RSRP1: variants seen among roughly 807,000 people sequenced by gnomAD.
The protein encoded by RSRP1 is arginine and serine rich protein 1.
Under a neutral mutation model 33.0 loss-of-function variants are expected in RSRP1, and 37 were observed. That is an observed-to-expected ratio of 1.12 (90% confidence interval 0.86 to 1.48). The LOEUF (loss-of-function observed/expected upper bound fraction) is 1.48, where lower values mean the gene tolerates loss of function less well. RSRP1 is among the 40% of genes most tolerant of loss of function. The probability of loss-of-function intolerance (pLI) is 0.00; values close to 1 mark genes in which losing one functional copy is unlikely to be tolerated. For synonymous variants in RSRP1, 167 were observed against 158.7 expected (o/e 1.05, Z -0.40); for missense variants, 402 against 385.3 (o/e 1.04, Z -0.36).
At chr1:25,250,263 T>A (rs1639734885), upstream of RSRP1, among the ~76,000 whole-genome samples, 1 of 152,206 alleles carries the variant, frequency 6.6e-6, no homozygotes, top group African/African-American at 2.4e-5. Flanking sequence ...TCCCAGGAGC[T>A]GCTGGTACAG....
At chr1:25,287,646 A>G (rs2124633030) in intron 1 of RSRP1, among the ~76,000 whole-genome samples, 1 of 135,636 alleles carries the variant, frequency 7.4e-6, no homozygotes, top group Admixed American at 7.1e-5. Context: ...TGTTTTCCTC[A>G]CATACTGATA....
intron 1 of RSRP1, among the ~76,000 whole-genome samples, chr1:25,285,275 C>T (rs1268276022): frequency 3.7e-5 from 5 of 133,650 alleles, no homozygotes. Flanking sequence ...GCTGGGATTA[C>T]AGGCATGTGC....
intron 1 of RSRP1, among the ~76,000 whole-genome samples, chr1:25,298,430 A>T (rs1381708644): frequency 1.6e-5 from 2 of 128,036 alleles, no homozygotes; most frequent in Non-Finnish European, 3.7e-5. Flanking sequence ...TTTCCTCAAA[A>T]CTTCAATTCA....
rs369168725 is a variant in RSRP1, at chr1:25,290,801, G to T, written c.-66-43772C>A. 3.6e-6 allele frequency: 5 copies of T among 1,375,882 alleles called. 1 individual carries two copies. The highest frequency in any genetic ancestry group is 3.1e-6 in the Non-Finnish European group (3 of 977,576). 85.2% of individuals were successfully genotyped at this position (1,375,882 alleles called of 1,614,324 possible). A position where few individuals can be genotyped will look rare whatever the true frequency, so the allele number is the denominator to read the frequency against. ...CAGTAATATCTTCAACGTGAGTCAT[G>T]GTGCTGGGAGGAGGGACCTGGGAGA... On this transcript the variant is annotated intron_variant, in intron 1 of 1. Coordinates refer to the RSRP1 transcript ENST00000561867.
upstream of RSRP1, among the ~76,000 whole-genome samples, chr1:25,249,533 G>A (rs987468982): frequency 6.6e-6 from 1 of 152,098 alleles, no homozygotes; most frequent in African/African-American, 2.4e-5. Context: ...GTAGAGATGG[G>A]TTTTCACCAT....
chr1:25,320,140 C>T (rs1259918869), intron 1 of RSRP1, among the ~76,000 whole-genome samples: 2 of 131,126 alleles, frequency 1.5e-5, no homozygotes, highest in African/African-American at 5.2e-5. Context: ...TCAGGTGATC[C>T]GCCCACCTTG....
At chr1:25,306,630 G>A (rs377051051) in intron 1 of RSRP1, 1 of 1,378,330 alleles carries the variant, frequency 7.3e-7, no homozygotes, top group Middle Eastern at 1.8e-4. Context: ...ATTCCCCACA[G>A]CTCCATCATG....
chr1:25,301,109 G>T, intron 1 of RSRP1: 1 of 1,374,422 alleles, frequency 7.3e-7, no homozygotes, highest in South Asian at 1.2e-5. Flanking sequence ...GACAAGGTGG[G>T]GTGAGTGGTC....
intron 1 of RSRP1, among the ~76,000 whole-genome samples, chr1:25,286,619 T>G (rs964866011): frequency 1.5e-5 from 2 of 132,446 alleles, no homozygotes; most frequent in African/African-American, 5.3e-5. Context: ...ACCCTGTCTC[T>G]ACTAAAAATA....
intron 1 of RSRP1, among the ~76,000 whole-genome samples, chr1:25,286,557 C>T (rs1455100694): frequency 7.5e-6 from 1 of 133,472 alleles, no homozygotes; most frequent in Admixed American, 7.2e-5. Context: ...GAGGCCAAGG[C>T]GGGGGGATCA....
intron 2 of RSRP1, among the ~76,000 whole-genome samples, chr1:25,246,206 T>C (rs1431091145): frequency 3.9e-5 from 6 of 152,128 alleles, no homozygotes; most frequent in Admixed American, 6.5e-5. Flanking sequence ...CTAAGAACAG[T>C]CAGCCAATAG....
chr1:25,271,098 C>T (rs542913521), intron 1 of RSRP1, among the ~76,000 whole-genome samples: 2 of 132,158 alleles, frequency 1.5e-5, no homozygotes, highest in African/African-American at 5.2e-5. Context: ...TAGCAAGTTT[C>T]ATGTCCTGTA....
Position 25,287,077 on chromosome 1 carries a change from A to T in RSRP1, c.-66-40048T>A, listed in dbSNP as rs1229540602. On this transcript the variant is annotated intron_variant, in intron 1 of 1. Coordinates refer to the RSRP1 transcript ENST00000561867. ...CATTGCACTGTAGCCTGGGCGACAG[A>T]GTGAGGCTCTGTCTCAAAAACAAAA... is the stretch of plus-strand genomic sequence containing the variant. Among the ~76,000 whole-genome samples the T allele has an allele frequency of 5.9e-5, 8 of 135,152 alleles. 1 individual carries two copies. The highest frequency in any genetic ancestry group is 1.5e-4 in the African/African-American group (6 of 39,156). The allele number at this position is 135,152 out of a possible 152,430, so 88.7% of individuals were successfully genotyped here.
intron 1 of RSRP1, among the ~76,000 whole-genome samples, chr1:25,333,467 TC>T (rs1645042142): frequency 7.8e-6 from 1 of 128,844 alleles, no homozygotes; most frequent in South Asian, 2.3e-4. Flanking sequence ...GAATACAACT[TC>T]CAGGTAGAGA....
intron 1 of RSRP1, among the ~76,000 whole-genome samples, chr1:25,312,919 C>CAAAAAAAAAAA (rs1571719513): frequency 2.8e-4 from 1 of 3,618 alleles, no homozygotes; most frequent in Non-Finnish European, 1.0e-3. Flanking sequence ...AATCCCATCT[C>CAAAAAAAAAAA]TAAAAAAAAA....
At position 25,300,245 on chromosome 1, in the gene RSRP1, T is replaced by A. The variant is rs990838893; in HGVS notation, c.-67+37733A>T. 9.9e-5 allele frequency among the ~76,000 whole-genome samples: 13 copies of A among 130,842 alleles called. 2 individuals are homozygous for A. The highest frequency in any genetic ancestry group is 9.7e-4 in the Admixed American group (13 of 13,412). The allele number at this position is 130,842 out of a possible 152,430, so 85.8% of individuals were successfully genotyped here. ...ATATAAGAGCTACTGATAGGCCGGG[T>A]GTGGTGGCTCATGCCTGTAATCTCA... On this transcript the variant is annotated intron_variant, in intron 1 of 1. Coordinates refer to the RSRP1 transcript ENST00000561867.
In RSRP1 at chr1:25,304,470, C is replaced by T. The variant is rs1368124104; in HGVS notation, c.-67+33508G>A. On this transcript the variant is annotated intron_variant, in intron 1 of 1. Coordinates refer to the RSRP1 transcript ENST00000561867. ...AAAATTAGCCAGGCATGGTGGCGGG[C>T]ACCTGTCATCTTAGCGACTCAGGAG... is the stretch of plus-strand genomic sequence containing the variant. 3.1e-5 allele frequency: 4 copies of T among 129,962 alleles called. 2 individuals are homozygous for T. Among genetic ancestry groups the T allele is most frequent in the Non-Finnish European group, 7.2e-5 (4 of 55,284 alleles). The allele number at this position is 129,962 out of a possible 1,614,324, so 8.1% of individuals were successfully genotyped here.
At chr1:25,242,841 A>C (rs144946321) in intron 4 of RSRP1, 136 bp from the exon 5 acceptor site, 3 of 629,170 alleles carry the variant, frequency 4.8e-6, no homozygotes, top group Admixed American at 2.8e-5. Flanking sequence ...TCACGCCTGT[A>C]ATCCCAGCAC....
At position 25,306,609 on chromosome 1, in the gene RSRP1, G is replaced by C; in HGVS notation, c.-67+31369C>G. The C allele has an allele frequency of 2.2e-6, 3 of 1,378,054 alleles. 1 individual carries two copies. The highest frequency in any genetic ancestry group is 2.0e-6 in the Non-Finnish European group (2 of 978,582). The allele number at this position is 1,378,054 out of a possible 1,614,324, so 85.4% of individuals were successfully genotyped here. ...ACTTGTCCACAGGGGTGTTGTAACCGAGTGCTGGGGATTCCCCACAGCTCC... is the reference window on the plus strand; with the variant it reads ...ACTTGTCCACAGGGGTGTTGTAACCCAGTGCTGGGGATTCCCCACAGCTCC... On this transcript the variant is annotated intron_variant, in intron 1 of 1. Coordinates refer to the RSRP1 transcript ENST00000561867.
Sources: allele counts gnomAD v4.1 joint callset (sites outside exome capture counted in the v4.1 genomes callset), GRCh38; gene constraint gnomAD v4.1.1; transcripts MANE v1.5; gene names NCBI Gene and HGNC (gene_info 2026-07-23, HGNC 2026-07-21).